The following ALCAM variants were observed in gnomAD, a reference collection of about 807,000 sequenced individuals.
The protein encoded by ALCAM is activated leukocyte cell adhesion molecule.
In ALCAM, 30 loss-of-function variants were observed where a neutral mutation model predicts 70.9. That is an observed-to-expected ratio of 0.42 (90% CI 0.32 to 0.57). The LOEUF is 0.57. Among genes scored for constraint, ALCAM ranks in the 20% least tolerant of loss-of-function variants. The pLI is 0.11. For missense variants in ALCAM, 591 were observed against 695.1 expected (o/e 0.85, Z 1.68); for synonymous variants, 249 against 242.5 (o/e 1.03, Z -0.25).
Position 105,524,372 on chromosome 3 carries a change from C to T in ALCAM, c.258C>T (p.Tyr86=), listed in dbSNP as rs1359348833. The T allele has an allele frequency of 1.2e-6, 2 of 1,614,100 alleles. No homozygotes were observed. The highest frequency in any genetic ancestry group is 2.2e-5 in the East Asian group (1 of 44,874). ...TGCAGTACGACGATGTACCAGAATA[C>T]AAAGACAGATTGAACCTCTCAGAAA... The part of the protein sequence containing the change: ...KSVQYDDVPE[Y]KDRLNLSENY... Residue 86 remains tyrosine (Y), a synonymous_variant, in exon 3 of 16, where the codon TAC becomes TAT. Transcript: ENST00000306107.
At chr3:105,530,051 CT>C (rs1009591589) in intron 3 of ALCAM, among the ~76,000 whole-genome samples, 1 of 151,712 alleles carries the variant, frequency 6.6e-6, no homozygotes, top group Non-Finnish European at 1.5e-5. Context: ...ATGTTTTGAC[CT>C]TTTTTTTCTG....
intron 1 of ALCAM, among the ~76,000 whole-genome samples, chr3:105,473,110 T>C (rs1386683552): frequency 6.6e-6 from 1 of 151,480 alleles, no homozygotes; most frequent in Non-Finnish European, 1.5e-5. Context: ...ACTAATGAAA[T>C]GAAATATAGC....
chr3:105,553,411 G>A (rs1050862565), intron 14 of ALCAM, among the ~76,000 whole-genome samples: 1 of 151,836 alleles, frequency 6.6e-6, no homozygotes, highest in African/African-American at 2.4e-5. Flanking sequence ...TCAAACATGG[G>A]TTTTAAACCA....
At chr3:105,488,627 AG>A (rs780772858) in intron 1 of ALCAM, among the ~76,000 whole-genome samples, 13 of 147,210 alleles carry the variant, frequency 8.8e-5, no homozygotes, top group Non-Finnish European at 1.8e-4. Context: ...ACAGGAAGGA[AG>A]GTAGGAAGGA....
At chr3:105,471,779 A>G (rs1258529434) in intron 1 of ALCAM, among the ~76,000 whole-genome samples, 1 of 151,318 alleles carries the variant, frequency 6.6e-6, no homozygotes, top group African/African-American at 2.4e-5. Flanking sequence ...TACCTCACAT[A>G]GTTATCATTT....
At chr3:105,502,609 G>A (rs1938955697) in intron 1 of ALCAM, among the ~76,000 whole-genome samples, 1 of 152,214 alleles carries the variant, frequency 6.6e-6, no homozygotes, top group African/African-American at 2.4e-5. Flanking sequence ...GTACAGCTGG[G>A]AAAGAAAGAC....
intron 1 of ALCAM, among the ~76,000 whole-genome samples, chr3:105,382,574 T>C (rs1384262645): frequency 6.6e-6 from 1 of 152,038 alleles, no homozygotes; most frequent in East Asian, 1.9e-4. Context: ...AAAGTGTTCC[T>C]ATTTCTCCAC....
intron 14 of ALCAM, among the ~76,000 whole-genome samples, chr3:105,563,170 T>A (rs79156306): frequency 0.089 from 13,376 of 151,078 alleles, 841 homozygotes; most frequent in East Asian, 0.19. Flanking sequence ...TGCTCAATAA[T>A]TTATCCATTT....
At chr3:105,498,181 A>G (rs866485180) in intron 1 of ALCAM, among the ~76,000 whole-genome samples, 1 of 152,128 alleles carries the variant, frequency 6.6e-6, no homozygotes, top group Non-Finnish European at 1.5e-5. Context: ...AGGGAGGTGT[A>G]GTGGTTAAAT....
At chr3:105,524,246 T>A in intron 2 of ALCAM, 43 bp from the exon 3 acceptor site, 1 of 1,469,982 alleles carries the variant, frequency 6.8e-7, no homozygotes, top group Non-Finnish European at 9.3e-7. Flanking sequence ...CTGAAACATC[T>A]GAATATGCTT....
intron 1 of ALCAM, among the ~76,000 whole-genome samples, chr3:105,377,419 C>T (rs188554545): frequency 2.0e-5 from 3 of 152,174 alleles, no homozygotes; most frequent in Non-Finnish European, 4.4e-5. Flanking sequence ...TGTAAAATTA[C>T]TGCTCAAAGA....
At chr3:105,424,339 T>C (rs1015988769) in intron 1 of ALCAM, among the ~76,000 whole-genome samples, 2 of 151,726 alleles carry the variant, frequency 1.3e-5, no homozygotes, top group Non-Finnish European at 3.0e-5. Flanking sequence ...TATCCTAAAT[T>C]ATACGTCTAA....
chr3:105,484,288 A>C (rs757036169), intron 1 of ALCAM, among the ~76,000 whole-genome samples: 10 of 149,594 alleles, frequency 6.7e-5, no homozygotes, highest in Non-Finnish European at 1.2e-4. Flanking sequence ...TTTTATATAT[A>C]ATTTTAGTTA....
intron 1 of ALCAM, among the ~76,000 whole-genome samples, chr3:105,479,848 C>T (rs1006417757): frequency 3.3e-5 from 5 of 152,090 alleles, no homozygotes; most frequent in African/African-American, 1.2e-4. Context: ...ATTACACATA[C>T]TGTTTATGTC....
intron 1 of ALCAM, among the ~76,000 whole-genome samples, chr3:105,513,766 T>TA (rs1490755022): frequency 6.6e-6 from 1 of 151,978 alleles, no homozygotes; most frequent in Non-Finnish European, 1.5e-5. Flanking sequence ...ATCCAAATGC[T>TA]AGTGTTGATG....
intron 15 of ALCAM, among the ~76,000 whole-genome samples, chr3:105,572,192 A>G (rs1048622776): frequency 1.4e-4 from 22 of 152,108 alleles, no homozygotes; most frequent in African/African-American, 5.3e-4. Flanking sequence ...GCATCAACCC[A>G]TCATCTACAT....
At chr3:105,475,160 T>C (rs1439949112) in intron 1 of ALCAM, among the ~76,000 whole-genome samples, 2 of 151,934 alleles carry the variant, frequency 1.3e-5, no homozygotes, top group Non-Finnish European at 2.9e-5. Flanking sequence ...GCTTACATTG[T>C]CAATAGGCTA....
intron 9 of ALCAM, among the ~76,000 whole-genome samples, chr3:105,546,063 T>G (rs141178023): frequency 1.1e-3 from 168 of 151,526 alleles, no homozygotes; most frequent in African/African-American, 3.9e-3. Flanking sequence ...GAAGTGTGAC[T>G]GATAATTGGT....
At chr3:105,533,784 C>G in intron 5 of ALCAM, 94 bp downstream of exon 5, 1 of 1,170,228 alleles carries the variant, frequency 8.5e-7, no homozygotes, top group East Asian at 2.5e-5. Context: ...GGTCTCCAAC[C>G]TTTTTGGCAC....
Sources: allele counts gnomAD v4.1 joint callset (sites outside exome capture counted in the v4.1 genomes callset), GRCh38; gene constraint gnomAD v4.1.1; transcripts MANE v1.5; gene names NCBI Gene and HGNC (gene_info 2026-07-23, HGNC 2026-07-21).